DLGAP2: variants seen among roughly 807,000 people sequenced by gnomAD.
The protein encoded by DLGAP2 is DLG associated protein 2.
A neutral mutation model predicts 100.3 loss-of-function variants in DLGAP2; 26 were observed. The ratio of observed to expected loss-of-function variants is 0.26; its 90% CI spans 0.19 to 0.36. The LOEUF is 0.36. DLGAP2 is among the 10% of genes least tolerant of loss of function. The probability of loss-of-function intolerance (pLI) is 1.00; values close to 1 mark genes in which losing one functional copy is unlikely to be tolerated. For synonymous variants in DLGAP2, 886 were observed against 630.1 expected (o/e 1.41, Z -6.08); for missense variants, 1,858 against 1,453.2 (o/e 1.28, Z -4.53).
intron 6 of DLGAP2, among the ~76,000 whole-genome samples, chr8:1,618,297 A>G (rs894463491): frequency 2.0e-5 from 3 of 152,232 alleles, no homozygotes; most frequent in Admixed American, 2.0e-4. Context: ...GTAGAAATCA[A>G]TTGCATTTCT....
intron 5 of DLGAP2, 27 bp from the exon 6 acceptor site, chr8:1,565,656 G>C (rs765589691): frequency 9.5e-6 from 15 of 1,584,164 alleles, no homozygotes; most frequent in Middle Eastern, 1.7e-4. Context: ...CAAAGTTGAT[G>C]CGTGTTTCAT....
chr8:859,695 GAGA>G (rs1273029055), intron 1 of DLGAP2, among the ~76,000 whole-genome samples: 1 of 152,096 alleles, frequency 6.6e-6, no homozygotes, highest in East Asian at 1.9e-4. Context: ...AAAGCAGAAC[GAGA>G]AGTTGTTAGA....
At chr8:979,338 A>G (rs921946808) in intron 2 of DLGAP2, among the ~76,000 whole-genome samples, 1 of 152,242 alleles carries the variant, frequency 6.6e-6, no homozygotes, top group African/African-American at 2.4e-5. Flanking sequence ...ATCTCAGTGG[A>G]TATCCACCCC....
At chr8:994,655 G>A (rs1007985985) in intron 2 of DLGAP2, among the ~76,000 whole-genome samples, 1 of 152,164 alleles carries the variant, frequency 6.6e-6, no homozygotes, top group African/African-American at 2.4e-5. Flanking sequence ...CTTTTAAGAT[G>A]CATTTACACA....
At chr8:1,363,629 TCTC>T (rs1049698258) in intron 3 of DLGAP2, among the ~76,000 whole-genome samples, 2 of 152,118 alleles carry the variant, frequency 1.3e-5, no homozygotes, top group African/African-American at 4.8e-5. Flanking sequence ...GACCTGCAAA[TCTC>T]CTCTGTCTTC....
chr8:1,593,519 C>T (rs995983020), intron 6 of DLGAP2, among the ~76,000 whole-genome samples: 3 of 151,996 alleles, frequency 2.0e-5, no homozygotes, highest in African/African-American at 7.2e-5. Flanking sequence ...TGAAAATCTC[C>T]TGCACCTTGG....
intron 6 of DLGAP2, among the ~76,000 whole-genome samples, chr8:1,605,815 T>A (rs1443275814): frequency 6.6e-6 from 1 of 152,232 alleles, no homozygotes; most frequent in Non-Finnish European, 1.5e-5. Flanking sequence ...ATTATTAGTT[T>A]ATCATATAGT....
intron 3 of DLGAP2, among the ~76,000 whole-genome samples, chr8:1,347,705 T>C (rs368249543): frequency 5.5e-5 from 8 of 146,572 alleles, no homozygotes; most frequent in African/African-American, 2.0e-4. Flanking sequence ...TGAGTTCCTA[T>C]ACAGAGCTGC....
chr8:1,181,632 C>G (rs1172652173), intron 2 of DLGAP2, among the ~76,000 whole-genome samples: 1 of 152,068 alleles, frequency 6.6e-6, no homozygotes, highest in African/African-American at 2.4e-5. Context: ...AATAAGCCCC[C>G]ACGACCCAAG....
chr8:1,200,562 G>A (rs1217630452), intron 2 of DLGAP2, among the ~76,000 whole-genome samples: 1 of 152,164 alleles, frequency 6.6e-6, no homozygotes, highest in African/African-American at 2.4e-5. Flanking sequence ...CGGACCTCCG[G>A]AAAGAGCCTC....
intron 4 of DLGAP2, among the ~76,000 whole-genome samples, chr8:1,503,463 T>C (rs1799794075): frequency 6.6e-6 from 1 of 152,154 alleles, no homozygotes; most frequent in African/African-American, 2.4e-5. Context: ...CCCTTTCTGT[T>C]GAAGGCTGAG....
chr8:1,334,983 G>T lies in DLGAP2; in HGVS notation c.106+76100G>T, dbSNP rs143689365. ...GACCCAGCCCTCGCAGGCACTTCCA[G>T]CAGGCCTTAAAAACACAGAAATCTT... On this transcript the variant is annotated intron_variant, in intron 3 of 14. Coordinates refer to ENST00000637795, the MANE Select transcript of DLGAP2 (RefSeq NM_001346810.2). Among the ~76,000 whole-genome samples the T allele has an allele frequency of 2.5e-3, 386 of 152,284 alleles. 4 individuals carry two copies. The highest frequency in any genetic ancestry group is 0.014 in the South Asian group (69 of 4,818).
In DLGAP2 at chr8:1,250,069, T is replaced by C. The variant is rs867018932; in HGVS notation, c.74-8782T>C. On this transcript the variant is annotated intron_variant, in intron 2 of 14. Coordinates refer to ENST00000637795, the MANE Select transcript of DLGAP2 (RefSeq NM_001346810.2). ...CTAATTTTTGTATTTTTAGTAGAGATGGGGTTTCACCATGTTGGTCAGGCT... is the reference window on the plus strand; with the variant it reads ...CTAATTTTTGTATTTTTAGTAGAGACGGGGTTTCACCATGTTGGTCAGGCT... Among the ~76,000 whole-genome samples, 7 of 152,204 alleles carry C rather than the reference T, an allele frequency of 4.6e-5. No homozygotes were observed. In the South Asian group the frequency reaches 1.0e-3, roughly 23 times the overall value.
chr8:1,236,382 A>C (rs1304748629), intron 2 of DLGAP2, among the ~76,000 whole-genome samples: 100 of 18,356 alleles, frequency 5.4e-3, no homozygotes, highest in Middle Eastern at 0.045. Context: ...CTAGTTACCT[A>C]TCACATGGTG....
intron 2 of DLGAP2, among the ~76,000 whole-genome samples, chr8:1,192,109 T>A (rs1460140169): frequency 6.6e-6 from 1 of 152,168 alleles, no homozygotes; most frequent in African/African-American, 2.4e-5. Context: ...ACTTTCTAGA[T>A]GGCTTTCTCC....
intron 2 of DLGAP2, among the ~76,000 whole-genome samples, chr8:1,124,018 TA>T (rs35357883): frequency 1.9e-4 from 29 of 151,942 alleles, no homozygotes; most frequent in African/African-American, 6.0e-4. Flanking sequence ...GTGGTATTCT[TA>T]AAAAAAATTC....
In DLGAP2 at chr8:1,707,504, C is replaced by T. The variant is rs1799738703; in HGVS notation, c.*6098C>T. 1 of 152,206 alleles carries T rather than the reference C, an allele frequency of 6.6e-6. No individual in the cohort carries two copies. The highest frequency in any genetic ancestry group is 2.1e-4 in the South Asian group (1 of 4,828). The allele number at this position is 152,206 out of a possible 1,614,324, so 9.4% of individuals were successfully genotyped here. ...CTCAGCACGAATGTTCCCCTCACTCCACTTTTTAACTCGTTTGCTGAACTC... is the reference window on the plus strand; with the variant it reads ...CTCAGCACGAATGTTCCCCTCACTCTACTTTTTAACTCGTTTGCTGAACTC... On this transcript the variant is annotated 3_prime_UTR_variant, in exon 15 of 15. Coordinates refer to ENST00000637795, the MANE Select transcript of DLGAP2 (RefSeq NM_001346810.2).
At chr8:1,460,898 C>A (rs1021744013) in intron 3 of DLGAP2, among the ~76,000 whole-genome samples, 2 of 152,138 alleles carry the variant, frequency 1.3e-5, no homozygotes, top group Non-Finnish European at 2.9e-5. Flanking sequence ...GTCTTTGGGT[C>A]GGTAGGGATC....
intron 8 of DLGAP2, among the ~76,000 whole-genome samples, chr8:1,645,910 G>A (rs1008411430): frequency 6.6e-5 from 10 of 152,136 alleles, no homozygotes; most frequent in African/African-American, 1.9e-4. Context: ...CTCCCAACAC[G>A]TCATATTCCA....
Sources: gnomAD v4.1 joint callset for allele counts (sites outside exome capture counted in the v4.1 genomes callset) on GRCh38, gnomAD v4.1.1 for gene constraint, MANE v1.5 for transcripts, NCBI Gene and HGNC (gene_info 2026-07-23, HGNC 2026-07-21) for gene names.